PCDH15: variants seen among roughly 807,000 people sequenced by gnomAD.
PCDH15 encodes the protein protocadherin-15.
PCDH15 carries 129 observed loss-of-function variants against 178.5 expected under a neutral mutation model. The observed-to-expected ratio is 0.72, with a 90% confidence interval of 0.63 to 0.84. The LOEUF (loss-of-function observed/expected upper bound fraction) is 0.84, where lower values mean the gene tolerates loss of function less well. Among genes scored for constraint, PCDH15 ranks in the 40% least tolerant of loss-of-function variants. The probability of loss-of-function intolerance (pLI) is 0.00; values close to 1 mark genes in which losing one functional copy is unlikely to be tolerated. For missense variants in PCDH15, 2,230 were observed against 2,099.9 expected (o/e 1.06, Z -1.21); for synonymous variants, 800 against 732.0 (o/e 1.09, Z -1.50).
intron 3 of PCDH15, among the ~76,000 whole-genome samples, chr10:54,456,702 T>G (rs2076846864): frequency 6.6e-6 from 1 of 152,112 alleles, no homozygotes; most frequent in Admixed American, 6.6e-5. Flanking sequence ...ATGGTTTGGC[T>G]GTGTCCCCAC....
chr10:53,841,481 G>C (rs894247681), intron 28 of PCDH15, among the ~76,000 whole-genome samples: 4 of 152,050 alleles, frequency 2.6e-5, no homozygotes, highest in African/African-American at 9.7e-5. Context: ...TTGCTCGACT[G>C]AAAGTATATT....
intron 2 of PCDH15, among the ~76,000 whole-genome samples, chr10:55,401,093 A>G (rs1178334670): frequency 2.0e-5 from 3 of 152,122 alleles, no homozygotes; most frequent in Non-Finnish European, 2.9e-5. Flanking sequence ...TGGGAACACA[A>G]CCATCATTTT....
chr10:54,782,445 T>A (rs1950458189), intron 1 of PCDH15, among the ~76,000 whole-genome samples: 2 of 152,032 alleles, frequency 1.3e-5, no homozygotes, highest in Admixed American at 6.6e-5. Flanking sequence ...TGGCAAAGAG[T>A]ATTGCTCCAA....
At chr10:54,492,711 A>G (rs1366676360) in intron 3 of PCDH15, among the ~76,000 whole-genome samples, 1 of 152,174 alleles carries the variant, frequency 6.6e-6, no homozygotes, top group Non-Finnish European at 1.5e-5. Flanking sequence ...TAAGAGACAG[A>G]CTACATTCAC....
chr10:55,412,761 G>A (rs1305420869), intron 2 of PCDH15, among the ~76,000 whole-genome samples: 10 of 151,638 alleles, frequency 6.6e-5, no homozygotes, highest in East Asian at 3.9e-4. Context: ...AATACGAGAT[G>A]TTCCTGAAAT....
rs60921527 is a variant in PCDH15 at position 55,434,077 on chromosome 10, C to CTTTTTTTTTTTTTTTTTTTT, written c.-156+193528_-156+193547dup. 1.5e-3 allele frequency among the ~76,000 whole-genome samples: 134 copies of CTTTTTTTTTTTTTTTTTTTT among 90,798 alleles called. 4 individuals are homozygous for CTTTTTTTTTTTTTTTTTTTT. The highest frequency in any genetic ancestry group is 2.2e-3 in the African/African-American group (48 of 22,300). The allele number at this position is 90,798 out of a possible 152,430, so 59.6% of individuals were successfully genotyped here. ...AATTCTCCGCTTTTTCTTTTCTTTT[C>CTTTTTTTTTTTTTTTTTTTT]TTTTTTTTTTTTTTTTTTTTTGAGA... On this transcript the variant is annotated intron_variant, in intron 2 of 5. Transcript: ENST00000613346.
At chr10:54,292,204 G>C (rs1448262353) in intron 8 of PCDH15, among the ~76,000 whole-genome samples, 1 of 152,094 alleles carries the variant, frequency 6.6e-6, no homozygotes, top group African/African-American at 2.4e-5. Context: ...CACATAAACA[G>C]AACCAATGAC....
intron 2 of PCDH15, among the ~76,000 whole-genome samples, chr10:54,941,562 T>C (rs998033511): frequency 2.6e-5 from 4 of 152,126 alleles, no homozygotes; most frequent in Non-Finnish European, 1.5e-5. Flanking sequence ...ACTTTGAAGA[T>C]TTGTCTGCTA....
chr10:53,821,208 A>T, intron 32 of PCDH15: 1 of 964,894 alleles, frequency 1.0e-6, no homozygotes, highest in Non-Finnish European at 1.2e-6. Flanking sequence ...CAAATCCATA[A>T]GCATACTACT....
intron 2 of PCDH15, among the ~76,000 whole-genome samples, chr10:55,567,727 A>G (rs1293025089): frequency 8.6e-5 from 13 of 151,966 alleles, no homozygotes; most frequent in Non-Finnish European, 1.3e-4. Context: ...TGCAAATAAA[A>G]ACTACAATGA....
At chr10:54,653,961 C>T (rs1273354090) in intron 2 of PCDH15, among the ~76,000 whole-genome samples, 1 of 152,176 alleles carries the variant, frequency 6.6e-6, no homozygotes, top group African/African-American at 2.4e-5. Flanking sequence ...AAATTTATCA[C>T]CTCATAAACT....
At chr10:54,832,945 T>C (rs1043334959) in intron 3 of PCDH15, among the ~76,000 whole-genome samples, 1 of 152,150 alleles carries the variant, frequency 6.6e-6, no homozygotes, top group Non-Finnish European at 1.5e-5. Context: ...TAAGACTTTT[T>C]TGCAAGGAGA....
At chr10:54,869,953 G>C (rs1384812761) in intron 3 of PCDH15, among the ~76,000 whole-genome samples, 6 of 152,128 alleles carry the variant, frequency 3.9e-5, no homozygotes, top group Non-Finnish European at 5.9e-5. Flanking sequence ...AATTGGAACT[G>C]ACATAAAATA....
chr10:53,851,566 T>A (rs2078358208), intron 28 of PCDH15, among the ~76,000 whole-genome samples: 1 of 150,562 alleles, frequency 6.6e-6, no homozygotes, highest in African/African-American at 2.4e-5. Flanking sequence ...AGCTCAAACT[T>A]TCCCCTTAAA....
At chr10:54,431,392 A>G (rs1036817198) in intron 3 of PCDH15, among the ~76,000 whole-genome samples, 9 of 152,206 alleles carry the variant, frequency 5.9e-5, no homozygotes, top group African/African-American at 2.2e-4. Context: ...ACAATACATT[A>G]AAAAGATTAT....
chr10:55,510,833 C>T (rs1487257935), intron 2 of PCDH15, among the ~76,000 whole-genome samples: 3 of 148,932 alleles, frequency 2.0e-5, no homozygotes, highest in Non-Finnish European at 4.5e-5. Flanking sequence ...TATATACATA[C>T]ACATATATAC....
At chr10:54,049,628 T>C (rs1332982684) in intron 18 of PCDH15, among the ~76,000 whole-genome samples, 1 of 152,038 alleles carries the variant, frequency 6.6e-6, no homozygotes, top group Non-Finnish European at 1.5e-5. Flanking sequence ...GTGATGATTT[T>C]TTTTTTTTTT....
chr10:55,326,241 C>A (rs985132199), intron 2 of PCDH15, among the ~76,000 whole-genome samples: 2 of 151,902 alleles, frequency 1.3e-5, no homozygotes, highest in African/African-American at 2.4e-5. Context: ...GTGTGTATAC[C>A]CAAAGGGATA....
chr10:54,471,193 G>T (rs2077896140), intron 3 of PCDH15, among the ~76,000 whole-genome samples: 1 of 152,048 alleles, frequency 6.6e-6, no homozygotes, highest in African/African-American at 2.4e-5. Flanking sequence ...CATATTTATT[G>T]TGTATTAAGT....
Sources: allele counts gnomAD v4.1 joint callset (sites outside exome capture counted in the v4.1 genomes callset), GRCh38; gene constraint gnomAD v4.1.1; transcripts MANE v1.5; gene names NCBI Gene and HGNC (gene_info 2026-07-23, HGNC 2026-07-21).